Variants in KLHL4 observed in about 807,000 individuals in gnomAD.
KLHL4 encodes the protein kelch like family member 4, also known as kelch-like protein 4.
Under a neutral mutation model 45.8 loss-of-function variants are expected in KLHL4, and 17 were observed. That is an observed-to-expected ratio of 0.37 (90% CI 0.25 to 0.56). The LOEUF (loss-of-function observed/expected upper bound fraction) is 0.56, where lower values mean the gene tolerates loss of function less well. Ranked by LOEUF, KLHL4 falls within the 20% of genes least tolerant of loss-of-function variation. The pLI is 0.79. For missense variants in KLHL4, 544 were observed against 544.9 expected (o/e 1.00, Z 0.02); for synonymous variants, 224 against 189.9 (o/e 1.18, Z -1.47).
chrX:87,623,686 C>T (rs768689755), intron 5 of KLHL4, among the ~76,000 whole-genome samples: 5 of 111,107 alleles, frequency 4.5e-5, no homozygotes, highest in Admixed American at 9.6e-5. Flanking sequence ...AATGAAAGAA[C>T]GTTGATTACC....
chrX:87,549,076 A>G (rs774946927), intron 1 of KLHL4, among the ~76,000 whole-genome samples: 2 of 110,882 alleles, frequency 1.8e-5, no homozygotes, highest in East Asian at 5.7e-4. Context: ...AGGGATAGAA[A>G]AGAATATCCC....
chrX:87,597,630 G>A (rs1430263146), intron 1 of KLHL4, among the ~76,000 whole-genome samples: 1 of 111,608 alleles, frequency 9.0e-6, no homozygotes, highest in African/African-American at 3.3e-5. Context: ...TTACTTCAAA[G>A]CGAAAGCATT....
intron 9 of KLHL4, among the ~76,000 whole-genome samples, chrX:87,662,032 C>T (rs1288307407): frequency 9.0e-6 from 1 of 111,499 alleles, no homozygotes; most frequent in Non-Finnish European, 1.9e-5. Flanking sequence ...ATAGGAGTGA[C>T]TAAGTGAGTA....
At position 87,552,712 on chromosome X, in the gene KLHL4, TAA is replaced by T. The variant is rs1394404860; in HGVS notation, c.422+34398_422+34399del. Among the ~76,000 whole-genome samples, 144 of 61,634 alleles carry T rather than the reference TAA, an allele frequency of 2.3e-3. 1 individual carries two copies. Among genetic ancestry groups the T allele is most frequent in the African/African-American group, 9.0e-3 (129 of 14,329 alleles). The allele number at this position is 61,634 out of a possible 115,157, so 53.5% of individuals were successfully genotyped here. A position where few individuals can be genotyped will look rare whatever the true frequency, so the allele number is the denominator to read the frequency against. ...GTTAAATTATATATATATATATATA[TAA>T]CATGGCATTTTCTCACTTATTAGTA... is the stretch of plus-strand genomic sequence containing the variant. On this transcript the variant is annotated intron_variant, in intron 1 of 10. Coordinates refer to ENST00000373119, the MANE Select transcript of KLHL4 (RefSeq NM_019117.5).
In KLHL4 at chrX:87,669,183, C is replaced by G; in HGVS notation, c.*2649C>G. The G allele has an allele frequency of 9.3e-7, 1 of 1,073,019 alleles. No homozygotes were observed. The highest frequency in any genetic ancestry group is 1.2e-6 in the Non-Finnish European group (1 of 824,411). 88.4% of individuals were successfully genotyped at this position (1,073,019 alleles called of 1,213,427 possible). On this transcript the variant is annotated 3_prime_UTR_variant, in exon 11 of 11. Transcript: ENST00000373119. ...AAGAGTGTAAGGGCTCACACATTTA[C>G]TGTACTCAGATCTGAAAGACAATGT... is the stretch of plus-strand genomic sequence containing the variant.
chrX:87,650,564 T>C (rs192001413), intron 9 of KLHL4, among the ~76,000 whole-genome samples: 1 of 112,688 alleles, frequency 8.9e-6, no homozygotes, highest in East Asian at 2.8e-4. Context: ...TCAAATAAAG[T>C]GGTAAATGTG....
At chrX:87,566,460 A>C (rs1211867525) in intron 1 of KLHL4, among the ~76,000 whole-genome samples, 1 of 112,066 alleles carries the variant, frequency 8.9e-6, no homozygotes, top group African/African-American at 3.2e-5. Flanking sequence ...AATCCACCTT[A>C]AATGTGCTCA....
chrX:87,575,949 C>T, intron 1 of KLHL4, among the ~76,000 whole-genome samples: 1 of 111,850 alleles, frequency 8.9e-6, no homozygotes, highest in East Asian at 2.8e-4. Flanking sequence ...CAGATAAGGT[C>T]CATAAGTTAA....
intron 1 of KLHL4, among the ~76,000 whole-genome samples, chrX:87,604,053 A>G (rs915852556): frequency 1.8e-5 from 2 of 110,804 alleles, no homozygotes; most frequent in African/African-American, 6.5e-5. Flanking sequence ...TCCTTGTTTC[A>G]TAAGCGGCAG....
chrX:87,558,009 G>A (rs1293317747), intron 1 of KLHL4, among the ~76,000 whole-genome samples: 1 of 111,491 alleles, frequency 9.0e-6, no homozygotes, highest in Non-Finnish European at 1.9e-5. Context: ...AGATGCCTTG[G>A]AAATTCCCCA....
At chrX:87,638,208 C>T (rs1318267826) in intron 9 of KLHL4, among the ~76,000 whole-genome samples, 1 of 111,077 alleles carries the variant, frequency 9.0e-6, no homozygotes, top group African/African-American at 3.3e-5. Context: ...TGTTAAATGA[C>T]AAAACAGATG....
chrX:87,669,104 A>G lies in KLHL4; in HGVS notation c.*2570A>G. The G allele has an allele frequency of 1.0e-6, 1 of 957,057 alleles. No homozygotes were observed. The highest frequency in any genetic ancestry group is 1.3e-6 in the Non-Finnish European group (1 of 766,995). 78.9% of individuals were successfully genotyped at this position (957,057 alleles called of 1,213,427 possible). A position where few individuals can be genotyped will look rare whatever the true frequency, so the allele number is the denominator to read the frequency against. ...CATGCTTTAGCAGAGATAACTTATC[A>G]GGGCTAGTTTAAACAAATGTGTATA... On this transcript the variant is annotated 3_prime_UTR_variant, in exon 11 of 11. Coordinates refer to ENST00000373119, the MANE Select transcript of KLHL4 (RefSeq NM_019117.5).
At chrX:87,599,967 G>A (rs752847995) in intron 1 of KLHL4, among the ~76,000 whole-genome samples, 1 of 112,467 alleles carries the variant, frequency 8.9e-6, no homozygotes, top group Non-Finnish European at 1.9e-5. Context: ...GTTTCTTCTT[G>A]TATTTTCTAT....
chrX:87,583,556 T>G (rs1337284583), intron 1 of KLHL4, among the ~76,000 whole-genome samples: 1 of 111,685 alleles, frequency 9.0e-6, no homozygotes, highest in African/African-American at 3.3e-5. Flanking sequence ...TCCCAGACAT[T>G]TCTAGACACA....
At chrX:87,536,395 A>C (rs1468705519) in intron 1 of KLHL4, among the ~76,000 whole-genome samples, 1 of 111,393 alleles carries the variant, frequency 9.0e-6, no homozygotes, top group Non-Finnish European at 1.9e-5. Flanking sequence ...ATGATGTAAG[A>C]TTCTTGAAAT....
chrX:87,596,674 A>AACTGAGCTAAAACATGATTACAGGG (rs1309063153), intron 1 of KLHL4, among the ~76,000 whole-genome samples: 2 of 111,981 alleles, frequency 1.8e-5, no homozygotes, highest in Non-Finnish European at 3.8e-5. Flanking sequence ...GTTCCTTTCT[A>AACTGAGCTAAAACATGATTACAGGG]ACTGAGCTAA....
intron 4 of KLHL4, among the ~76,000 whole-genome samples, chrX:87,618,626 G>T (rs1218878715): frequency 2.7e-5 from 3 of 110,806 alleles, no homozygotes; most frequent in Non-Finnish European, 5.7e-5. Flanking sequence ...TCAGCATCCC[G>T]AGTAGCTGGG....
intron 9 of KLHL4, among the ~76,000 whole-genome samples, chrX:87,651,173 G>A (rs755243226): frequency 3.6e-5 from 4 of 111,523 alleles, no homozygotes; most frequent in Admixed American, 1.9e-4. Flanking sequence ...CTTAGGTGAG[G>A]CAGGTAGGGA....
chrX:87,662,787 G>A (rs1340977392), intron 9 of KLHL4, among the ~76,000 whole-genome samples: 2 of 109,491 alleles, frequency 1.8e-5, no homozygotes, highest in Admixed American at 9.8e-5. Flanking sequence ...AAAATTAGCC[G>A]GTCGTGGTGG....
Sources: allele counts gnomAD v4.1 joint callset (sites outside exome capture counted in the v4.1 genomes callset), GRCh38; gene constraint gnomAD v4.1.1; transcripts MANE v1.5; gene names NCBI Gene and HGNC (gene_info 2026-07-23, HGNC 2026-07-21).